LRFN5: variants seen among roughly 807,000 people sequenced by gnomAD.
LRFN5 encodes the protein leucine rich repeat and fibronectin type III domain containing 5.
A neutral mutation model predicts 45.6 loss-of-function variants in LRFN5; 24 were observed. The ratio of observed to expected loss-of-function variants is 0.53; its 90% CI spans 0.38 to 0.74. The LOEUF (loss-of-function observed/expected upper bound fraction) is 0.74. Among genes scored for constraint, LRFN5 ranks in the 30% least tolerant of loss-of-function variants. LRFN5 has a pLI of 0.00. For synonymous variants in LRFN5, 340 were observed against 313.8 expected (o/e 1.08, Z -0.88); for missense variants, 776 against 861.5 (o/e 0.90, Z 1.24).
chr14:41,782,490 C>G (rs1886564192), intron 2 of LRFN5, among the ~76,000 whole-genome samples: 1 of 152,086 alleles, frequency 6.6e-6, no homozygotes, highest in South Asian at 2.1e-4. Context: ...TAAATTCCCT[C>G]TTTGATAACT....
At chr14:41,808,616 A>G (rs1887630419) in intron 2 of LRFN5, among the ~76,000 whole-genome samples, 2 of 151,946 alleles carry the variant, frequency 1.3e-5, no homozygotes, top group South Asian at 4.1e-4. Flanking sequence ...GAAGGGACCT[A>G]TGAAATTAGT....
chr14:41,654,851 C>A (rs544337805), intron 1 of LRFN5, among the ~76,000 whole-genome samples: 1 of 151,932 alleles, frequency 6.6e-6, no homozygotes, highest in African/African-American at 2.4e-5. Flanking sequence ...AATTTTAGGT[C>A]ACAGAATTAT....
At chr14:41,879,181 A>G (rs893090180) in intron 2 of LRFN5, among the ~76,000 whole-genome samples, 6 of 152,126 alleles carry the variant, frequency 3.9e-5, no homozygotes, top group African/African-American at 1.4e-4. Flanking sequence ...AATAGGAAAT[A>G]TAATTTAAGT....
At chr14:41,610,671 A>AAAAAAAAAAAAAAAG (rs1887717648) in intron 1 of LRFN5, among the ~76,000 whole-genome samples, 1 of 147,886 alleles carries the variant, frequency 6.8e-6, no homozygotes, top group Non-Finnish European at 1.5e-5. Flanking sequence ...TAAAAAAAAA[A>AAAAAAAAAAAAAAAG]AAAAAAAAAA....
chr14:41,679,541 C>A (rs2138681940), intron 1 of LRFN5, among the ~76,000 whole-genome samples: 1 of 152,072 alleles, frequency 6.6e-6, no homozygotes, highest in African/African-American at 2.4e-5. Flanking sequence ...AGGGAATGGC[C>A]CAGTACTGGC....
intron 4 of LRFN5, chr14:41,892,259 A>G: frequency 1.0e-6 from 1 of 984,558 alleles, no homozygotes; most frequent in Non-Finnish European, 1.2e-6. Flanking sequence ...TGCAATTCCA[A>G]TGCTGTGTAT....
At chr14:41,801,683 C>G (rs1482242211) in intron 2 of LRFN5, among the ~76,000 whole-genome samples, 2 of 152,200 alleles carry the variant, frequency 1.3e-5, no homozygotes, top group African/African-American at 4.8e-5. Context: ...CACTGAAGCA[C>G]CACACAGAGT....
rs75625508 is a variant in LRFN5, at chr14:41,760,930, C to T, written c.-196-5924C>T. ...TCCAATAATCAGCTAACATGATGTTCACAGTAAGCCCCAATGTCCATTTGG... is the reference window on the plus strand; with the variant it reads ...TCCAATAATCAGCTAACATGATGTTTACAGTAAGCCCCAATGTCCATTTGG... On this transcript the variant is annotated intron_variant, in intron 1 of 5. Transcript: ENST00000298119. Among the ~76,000 whole-genome samples the T allele has an allele frequency of 7.0e-3, 1,059 of 152,232 alleles. 16 individuals carry two copies. Among genetic ancestry groups the T allele is most frequent in the African/African-American group, 0.024 (1,010 of 41,542 alleles).
intron 2 of LRFN5, among the ~76,000 whole-genome samples, chr14:41,774,684 A>T (rs570128491): frequency 6.6e-6 from 1 of 152,358 alleles, no homozygotes; most frequent in Admixed American, 6.5e-5. Context: ...GATTTTGAAA[A>T]GCGTTAACTT....
At chr14:41,881,052 G>A (rs895823633) in intron 2 of LRFN5, among the ~76,000 whole-genome samples, 2 of 152,038 alleles carry the variant, frequency 1.3e-5, no homozygotes, top group South Asian at 4.2e-4. Context: ...GTTATTTTAG[G>A]CAGGATAAAA....
In LRFN5 at chr14:41,691,591, C is replaced by T. The variant is rs144864639; in HGVS notation, c.-196-75263C>T. Among the ~76,000 whole-genome samples, 1,409 of 152,026 alleles carry T rather than the reference C, an allele frequency of 9.3e-3. 8 individuals are homozygous for T. Among genetic ancestry groups the T allele is most frequent in the Non-Finnish European group, 0.014 (939 of 67,896 alleles). On this transcript the variant is annotated intron_variant, in intron 1 of 5. Coordinates refer to ENST00000298119, the MANE Select transcript of LRFN5 (RefSeq NM_152447.5). ...TATACATATACATATACAATTTATA[C>T]GTAACATTTAAAATTTTTGGTTATA...
chr14:41,649,006 C>T (rs1026270464), intron 1 of LRFN5, among the ~76,000 whole-genome samples: 79 of 152,160 alleles, frequency 5.2e-4, no homozygotes, highest in African/African-American at 1.6e-3. Flanking sequence ...CGCTGGCTTG[C>T]GGATCACCTG....
intron 2 of LRFN5, among the ~76,000 whole-genome samples, chr14:41,770,840 T>G (rs1173060639): frequency 6.6e-6 from 1 of 152,106 alleles, no homozygotes; most frequent in African/African-American, 2.4e-5. Flanking sequence ...GTGGAGACTC[T>G]GTATGGGGCC....
At chr14:41,861,766 T>A (rs1889672134) in intron 2 of LRFN5, among the ~76,000 whole-genome samples, 1 of 152,166 alleles carries the variant, frequency 6.6e-6, no homozygotes, top group Non-Finnish European at 1.5e-5. Context: ...AAAAAGTAAA[T>A]GTACAGCTCT....
intron 2 of LRFN5, among the ~76,000 whole-genome samples, chr14:41,880,099 T>C (rs886547587): frequency 6.6e-6 from 1 of 151,694 alleles, no homozygotes; most frequent in Non-Finnish European, 1.5e-5. Context: ...GGATAATTTT[T>C]TGTATTTTTA....
chr14:41,871,868 A>G (rs1041371181), intron 2 of LRFN5, among the ~76,000 whole-genome samples: 9 of 152,194 alleles, frequency 5.9e-5, no homozygotes, highest in African/African-American at 2.2e-4. Flanking sequence ...TACCCAAGCT[A>G]AAGTTGAGGA....
chr14:41,687,086 T>C (rs1882155704), intron 1 of LRFN5, among the ~76,000 whole-genome samples: 2 of 152,136 alleles, frequency 1.3e-5, no homozygotes, highest in Admixed American at 1.3e-4. Context: ...GAAATTTTTT[T>C]CAATGTACCT....
At chr14:41,819,226 T>G (rs1594437690) in intron 2 of LRFN5, among the ~76,000 whole-genome samples, 5 of 152,278 alleles carry the variant, frequency 3.3e-5, no homozygotes, top group Admixed American at 3.3e-4. Context: ...ATTATTGATT[T>G]TCCCTTGGGT....
intron 2 of LRFN5, among the ~76,000 whole-genome samples, chr14:41,815,406 T>C (rs551509577): frequency 6.6e-5 from 10 of 152,288 alleles, no homozygotes; most frequent in African/African-American, 1.2e-4. Flanking sequence ...TCTCCACTTA[T>C]TTACTTTTAA....
Sources: gnomAD v4.1 joint callset for allele counts (sites outside exome capture counted in the v4.1 genomes callset) on GRCh38, gnomAD v4.1.1 for gene constraint, MANE v1.5 for transcripts, NCBI Gene and HGNC (gene_info 2026-07-23, HGNC 2026-07-21) for gene names.